FOXN2: variants seen among roughly 807,000 people sequenced by gnomAD.
FOXN2 encodes the protein forkhead box protein N2.
FOXN2 carries 19 observed loss-of-function variants against 41.2 expected under a neutral mutation model. The ratio of observed to expected loss-of-function variants is 0.46; its 90% CI spans 0.32 to 0.68. The LOEUF is 0.68. Among genes scored for constraint, FOXN2 ranks in the 30% least tolerant of loss-of-function variants. FOXN2 has a pLI of 0.03. For synonymous variants in FOXN2, 195 were observed against 176.8 expected, an observed-to-expected ratio of 1.10 and a Z score of -0.82; for missense variants, 587 against 509.4, an observed-to-expected ratio of 1.15 and a Z score of -1.47.
At chr2:48,343,901 A>C (rs969846897) in intron 2 of FOXN2, among the ~76,000 whole-genome samples, 4 of 152,204 alleles carry the variant, frequency 2.6e-5, no homozygotes, top group African/African-American at 9.6e-5. Context: ...ATGTAGTAAA[A>C]TCTCAGCAAA....
upstream of FOXN2, among the ~76,000 whole-genome samples, chr2:48,313,865 A>T (rs557014036): frequency 3.2e-4 from 48 of 151,832 alleles, no homozygotes; most frequent in East Asian, 4.8e-3. Flanking sequence ...ATATTTTTAA[A>T]AAAAATCTCC....
chr2:48,334,605 C>A (rs182591015), intron 2 of FOXN2, among the ~76,000 whole-genome samples: 1 of 152,102 alleles, frequency 6.6e-6, no homozygotes, highest in Non-Finnish European at 1.5e-5. Context: ...AGTGCTCTGG[C>A]GCAAAGGGGA....
intron 2 of FOXN2, among the ~76,000 whole-genome samples, chr2:48,333,467 TACTC>T (rs761651105): frequency 1.3e-5 from 2 of 152,198 alleles, no homozygotes; most frequent in Admixed American, 1.3e-4. Context: ...ATCAGGAGGT[TACTC>T]ACTCTGTATC....
chr2:48,342,183 T>C (rs1280338889), intron 2 of FOXN2, among the ~76,000 whole-genome samples: 1 of 152,166 alleles, frequency 6.6e-6, no homozygotes, highest in African/African-American at 2.4e-5. Context: ...TGTATGTATT[T>C]TTTACTTTTT....
At chr2:48,339,417 C>T (rs1670589558) in intron 2 of FOXN2, among the ~76,000 whole-genome samples, 2 of 152,272 alleles carry the variant, frequency 1.3e-5, no homozygotes, top group South Asian at 4.2e-4. Context: ...CCAGTTTGCT[C>T]AGCACTTCTC....
rs574980247 is a variant in FOXN2, at chr2:48,317,595, C to CTTTTTTTTTTTT, written c.-157+2800_-157+2811dup. On this transcript the variant is annotated intron_variant, in intron 1 of 6. Transcript: ENST00000340553. ...ACAATGCCTATAGCCTATAGTATTG[C>CTTTTTTTTTTTT]TTTTTTTTTTTTTTTTTTTTTTTTT... is the stretch of plus-strand genomic sequence containing the variant. 3.0e-3 allele frequency among the ~76,000 whole-genome samples: 105 copies of CTTTTTTTTTTTT among 34,746 alleles called. 32 individuals carry two copies. The highest frequency in any genetic ancestry group is 5.2e-3 in the Non-Finnish European group (91 of 17,476). The allele number at this position is 34,746 out of a possible 152,430, so 22.8% of individuals were successfully genotyped here.
chr2:48,354,303 A>G (rs572227355), intron 3 of FOXN2, among the ~76,000 whole-genome samples: 1 of 152,334 alleles, frequency 6.6e-6, no homozygotes, highest in East Asian at 1.9e-4. Context: ...TTCAAAATAT[A>G]TAATAAGTGC....
intron 1 of FOXN2, among the ~76,000 whole-genome samples, chr2:48,326,761 AG>A (rs1424242637): frequency 2.6e-5 from 4 of 152,226 alleles, no homozygotes; most frequent in African/African-American, 4.8e-5. Context: ...AGCATCTCCA[AG>A]GGAAAAATAA....
intron 2 of FOXN2, among the ~76,000 whole-genome samples, chr2:48,344,599 A>C (rs1314561703): frequency 6.6e-6 from 1 of 152,192 alleles, no homozygotes; most frequent in Non-Finnish European, 1.5e-5. Flanking sequence ...ATCATATGTA[A>C]ATTGTTTAGC....
intron 1 of FOXN2, among the ~76,000 whole-genome samples, chr2:48,317,579 A>G (rs541815828): frequency 7.6e-4 from 101 of 133,426 alleles, no homozygotes; most frequent in Admixed American, 2.2e-3. Flanking sequence ...TACAATGCCT[A>G]TAGCCTATAG....
chr2:48,332,688 A>C (rs1172852458), intron 2 of FOXN2, among the ~76,000 whole-genome samples: 33 of 152,338 alleles, frequency 2.2e-4, no homozygotes. Context: ...TTTAGGAAGA[A>C]AGCTAATAAT....
intron 3 of FOXN2, among the ~76,000 whole-genome samples, chr2:48,348,338 A>T (rs2104387475): frequency 6.6e-6 from 1 of 151,912 alleles, no homozygotes; most frequent in South Asian, 2.1e-4. Flanking sequence ...CCAATGAAGG[A>T]CTTCTTCATG....
intron 1 of FOXN2, among the ~76,000 whole-genome samples, chr2:48,328,144 C>G (rs1487380772): frequency 6.6e-6 from 1 of 152,192 alleles, no homozygotes; most frequent in Non-Finnish European, 1.5e-5. Context: ...ATTTTGATGA[C>G]AAGACCACGT....
In FOXN2 at chr2:48,339,073, T is replaced by C. The variant is rs116782144; in HGVS notation, c.-14-7128T>C. On this transcript the variant is annotated intron_variant, in intron 2 of 6. Transcript: ENST00000340553. The stretch of plus-strand genomic sequence containing the variant: ...TAAATCCAAATGGCATATGTATAGA[T>C]ATATATTCATAGCTATATGTTCATA... Among the ~76,000 whole-genome samples, 1,293 of 152,330 alleles carry C rather than the reference T, an allele frequency of 8.5e-3. 14 individuals carry two copies. The highest frequency in any genetic ancestry group is 0.029 in the African/African-American group (1,214 of 41,574).
At chr2:48,367,638 G>T (rs894382404) in intron 5 of FOXN2, among the ~76,000 whole-genome samples, 1 of 152,154 alleles carries the variant, frequency 6.6e-6, no homozygotes, top group Non-Finnish European at 1.5e-5. Flanking sequence ...TATACCATTT[G>T]AATTATTTCT....
At chr2:48,370,770 G>A (rs1026042344) in intron 5 of FOXN2, among the ~76,000 whole-genome samples, 1 of 152,020 alleles carries the variant, frequency 6.6e-6, no homozygotes, top group Non-Finnish European at 1.5e-5. Context: ...TTTCACTGTT[G>A]TTTCTTTCCT....
At chr2:48,323,379 C>T (rs1669464671) in intron 1 of FOXN2, among the ~76,000 whole-genome samples, 1 of 152,182 alleles carries the variant, frequency 6.6e-6, no homozygotes, top group African/African-American at 2.4e-5. Flanking sequence ...CCCCCTTTCT[C>T]CACATCCTTG....
intron 2 of FOXN2, among the ~76,000 whole-genome samples, chr2:48,333,827 T>C (rs1394879878): frequency 6.6e-6 from 1 of 152,154 alleles, no homozygotes; most frequent in African/African-American, 2.4e-5. Flanking sequence ...ATATACATTT[T>C]GCCACAGAAA....
At chr2:48,336,762 A>G (rs1256965347) in intron 2 of FOXN2, among the ~76,000 whole-genome samples, 1 of 152,152 alleles carries the variant, frequency 6.6e-6, no homozygotes, top group Non-Finnish European at 1.5e-5. Context: ...CAAGGAAACA[A>G]AGGAAAATGT....
Sources: allele counts gnomAD v4.1 joint callset (sites outside exome capture counted in the v4.1 genomes callset), GRCh38; gene constraint gnomAD v4.1.1; transcripts MANE v1.5; gene names NCBI Gene and HGNC (gene_info 2026-07-23, HGNC 2026-07-21).